Variants in DLEU7 observed in about 807,000 individuals in gnomAD.
DLEU7 encodes the protein deleted in lymphocytic leukemia 7, also known as leukemia-associated protein 7.
A neutral mutation model predicts 16.0 loss-of-function variants in DLEU7; 17 were observed. The observed-to-expected ratio is 1.06, with a 90% CI of 0.73 to 1.59. DLEU7 has a LOEUF of 1.59. Ranked by LOEUF, DLEU7 falls within the 40% of genes most tolerant of loss-of-function variation. DLEU7 has a pLI of 0.00. For synonymous variants in DLEU7, 113 were observed against 139.8 expected, an observed-to-expected ratio of 0.81 and a Z score of 1.35; for missense variants, 308 against 314.9, an observed-to-expected ratio of 0.98 and a Z score of 0.17.
At chr13:50,794,267 G>A (rs1400505576) in intron 1 of DLEU7, among the ~76,000 whole-genome samples, 2 of 151,536 alleles carry the variant, frequency 1.3e-5, no homozygotes, top group African/African-American at 4.9e-5. Flanking sequence ...CTTGTCGTAA[G>A]AGTTTACATT....
At chr13:50,750,058 A>G (rs1874519564) in intron 1 of DLEU7, among the ~76,000 whole-genome samples, 2 of 152,174 alleles carry the variant, frequency 1.3e-5, no homozygotes, top group South Asian at 4.1e-4. Context: ...TAGAATTTTT[A>G]TAGTTTCAGG....
At chr13:50,835,476 G>A (rs943384553) in intron 1 of DLEU7, among the ~76,000 whole-genome samples, 1 of 152,244 alleles carries the variant, frequency 6.6e-6, no homozygotes, top group African/African-American at 2.4e-5. Flanking sequence ...GGTTGACTGA[G>A]TGTTATGAGT....
At chr13:50,740,913 A>G (rs1388725866) in intron 1 of DLEU7, among the ~76,000 whole-genome samples, 1 of 152,012 alleles carries the variant, frequency 6.6e-6, no homozygotes, top group East Asian at 1.9e-4. Flanking sequence ...TACATCCTCA[A>G]TTCTTCCTGA....
At chr13:50,716,316 GT>G (rs1247258054) in intron 1 of DLEU7, among the ~76,000 whole-genome samples, 4 of 152,180 alleles carry the variant, frequency 2.6e-5, no homozygotes, top group African/African-American at 9.7e-5. Flanking sequence ...TCATTGAAAT[GT>G]TTGGTTACAG....
intron 1 of DLEU7, among the ~76,000 whole-genome samples, chr13:50,842,160 G>A (rs1159501143): frequency 3.3e-5 from 5 of 151,780 alleles, no homozygotes; most frequent in African/African-American, 4.8e-5. Context: ...TACCTATTTG[G>A]GTATATAATA....
chr13:50,759,843 C>T (rs1464648062), intron 1 of DLEU7, among the ~76,000 whole-genome samples: 2 of 152,120 alleles, frequency 1.3e-5, no homozygotes, highest in Non-Finnish European at 2.9e-5. Context: ...TTTGGCCACC[C>T]CTCCACAGCA....
At chr13:50,724,366 A>T (rs1873707315) in intron 1 of DLEU7, among the ~76,000 whole-genome samples, 1 of 152,178 alleles carries the variant, frequency 6.6e-6, no homozygotes, top group South Asian at 2.1e-4. Context: ...ATACTTCTTC[A>T]TCTTTTATCC....
downstream of DLEU7, among the ~76,000 whole-genome samples, chr13:50,818,959 GT>G (rs1314413763): frequency 6.6e-6 from 1 of 152,068 alleles, no homozygotes; most frequent in African/African-American, 2.4e-5. Context: ...AATCACATCT[GT>G]TACCATCTAA....
chr13:50,817,888 TGAG>T (rs1326563051), intron 1 of DLEU7, among the ~76,000 whole-genome samples: 2 of 146,416 alleles, frequency 1.4e-5, no homozygotes, highest in Non-Finnish European at 3.1e-5. Context: ...CAGAATACAG[TGAG>T]GAGAGCATCT....
intron 1 of DLEU7, among the ~76,000 whole-genome samples, chr13:50,739,997 C>A (rs1421094845): frequency 6.6e-6 from 1 of 151,920 alleles, no homozygotes; most frequent in Non-Finnish European, 1.5e-5. Context: ...AGAGTTGATC[C>A]CTGCCTTGTT....
intron 1 of DLEU7, among the ~76,000 whole-genome samples, chr13:50,739,186 C>G (rs564596284): frequency 2.0e-5 from 3 of 152,282 alleles, no homozygotes; most frequent in South Asian, 2.1e-4. Context: ...AGACTGCTTT[C>G]TCAGTAAATT....
intron 1 of DLEU7, among the ~76,000 whole-genome samples, chr13:50,730,501 T>A (rs1369291719): frequency 6.6e-6 from 1 of 152,062 alleles, no homozygotes; most frequent in Middle Eastern, 3.2e-3. Context: ...GGGCAGATAG[T>A]AGAAAAAATA....
chr13:50,791,187 C>T (rs1245694799), intron 1 of DLEU7, among the ~76,000 whole-genome samples: 1 of 152,150 alleles, frequency 6.6e-6, no homozygotes, highest in African/African-American at 2.4e-5. Flanking sequence ...CCAGGAGAAA[C>T]CATTGCTTCA....
intron 1 of DLEU7, among the ~76,000 whole-genome samples, chr13:50,719,332 ATATACT>A (rs555912703): frequency 4.8e-4 from 73 of 152,328 alleles, no homozygotes; most frequent in Admixed American, 1.2e-3. Flanking sequence ...GAGAGTGGAA[ATATACT>A]TATATGGAAC....
At chr13:50,785,261 A>G (rs1175829866) in intron 1 of DLEU7, among the ~76,000 whole-genome samples, 1 of 152,220 alleles carries the variant, frequency 6.6e-6, no homozygotes, top group Non-Finnish European at 1.5e-5. Flanking sequence ...GAGGCCAGGC[A>G]TTCACTAGCT....
intron 1 of DLEU7, among the ~76,000 whole-genome samples, chr13:50,714,911 G>A (rs141737716): frequency 3.9e-5 from 6 of 152,306 alleles, no homozygotes; most frequent in African/African-American, 1.4e-4. Context: ...TCCAGTGGGC[G>A]CGGCTGGTGT....
rs144955646 is a variant in DLEU7, at chr13:50,785,713, G to A, written c.459+57475C>T. On this transcript the variant is annotated intron_variant, in intron 1 of 1. Transcript: ENST00000400393. ...TGTAGCTGAATTTCCTGACTTGGGA[G>A]TTGAAGTTGCCATTCATGACTTGGA... 7.1e-3 allele frequency among the ~76,000 whole-genome samples: 1,078 copies of A among 152,320 alleles called. 13 individuals carry two copies. Among genetic ancestry groups the A allele is most frequent in the African/African-American group, 0.025 (1,031 of 41,568 alleles).
chr13:50,745,623 G>T (rs1253920789), intron 1 of DLEU7, among the ~76,000 whole-genome samples: 1 of 152,084 alleles, frequency 6.6e-6, no homozygotes, highest in Non-Finnish European at 1.5e-5. Flanking sequence ...CCTTGTTAGA[G>T]GGATTATCTT....
intron 1 of DLEU7, among the ~76,000 whole-genome samples, chr13:50,831,781 G>A (rs1306276753): frequency 1.3e-5 from 2 of 152,164 alleles, no homozygotes; most frequent in African/African-American, 4.8e-5. Context: ...ATGTAGCTAA[G>A]TAACACAGCA....
Sources: allele counts gnomAD v4.1 joint callset (sites outside exome capture counted in the v4.1 genomes callset), GRCh38; gene constraint gnomAD v4.1.1; transcripts MANE v1.5; gene names NCBI Gene and HGNC (gene_info 2026-07-23, HGNC 2026-07-21).